Variants in DACH2 observed in about 807,000 individuals in gnomAD.
DACH2 encodes the protein dachshund family transcription factor 2.
A neutral mutation model predicts 35.8 loss-of-function variants in DACH2; 17 were observed. That is an observed-to-expected ratio of 0.48 (90% CI 0.33 to 0.71). The LOEUF is 0.71. Ranked by LOEUF, DACH2 falls within the 30% of genes least tolerant of loss-of-function variation. The probability of loss-of-function intolerance (pLI) is 0.02; values close to 1 mark genes in which losing one functional copy is unlikely to be tolerated. For missense variants in DACH2, 469 were observed against 472.7 expected (o/e 0.99, Z 0.07); for synonymous variants, 195 against 177.3 (o/e 1.10, Z -0.79).
At chrX:86,320,026 G>C (rs1045720501) in intron 1 of DACH2, among the ~76,000 whole-genome samples, 1 of 111,656 alleles carries the variant, frequency 9.0e-6, no homozygotes, top group Non-Finnish European at 1.9e-5. Context: ...ATTTTGAGAG[G>C]TATTAATTCA....
At chrX:86,310,512 G>A (rs750833969) in intron 1 of DACH2, among the ~76,000 whole-genome samples, 7 of 111,635 alleles carry the variant, frequency 6.3e-5, no homozygotes, top group Non-Finnish European at 1.1e-4. Context: ...GACAGCTGCA[G>A]CACAACAGCC....
At chrX:86,300,097 A>G (rs6623641) in intron 1 of DACH2, among the ~76,000 whole-genome samples, 52,705 of 109,718 alleles carry the variant, frequency 0.48, 9,670 homozygotes, top group Non-Finnish European at 0.58. Context: ...GTTGTTAACT[A>G]TAGTCACCCT....
chrX:86,331,000 A>G lies in DACH2; in HGVS notation c.489-45824A>G, dbSNP rs770716560. On this transcript the variant is annotated intron_variant, in intron 1 of 11. Transcript: ENST00000373125. ...TGAAATTTTACTTTAAGAAAACCAC[A>G]GTTTCATTGTTATTTGGGGAAAATG... Among the ~76,000 whole-genome samples, 4 of 111,534 alleles carry G rather than the reference A, an allele frequency of 3.6e-5. No individual in the cohort carries two copies. The Admixed American group carries it at 3.8e-4, about 11-fold the overall frequency.
intron 3 of DACH2, among the ~76,000 whole-genome samples, chrX:86,545,074 C>T (rs2038938963): frequency 8.9e-6 from 1 of 112,146 alleles, no homozygotes; most frequent in African/African-American, 3.2e-5. Flanking sequence ...GGATTACAGG[C>T]ATGAGCCACC....
At chrX:86,190,086 C>G (rs1022774659) in intron 1 of DACH2, among the ~76,000 whole-genome samples, 1 of 109,358 alleles carries the variant, frequency 9.1e-6, no homozygotes, top group African/African-American at 3.3e-5. Flanking sequence ...ATCACTTGAA[C>G]CTGGGAGGTA....
At chrX:86,648,053 C>T (rs1036087285) in intron 3 of DACH2, among the ~76,000 whole-genome samples, 1 of 110,623 alleles carries the variant, frequency 9.0e-6, no homozygotes, top group East Asian at 2.8e-4. Context: ...GCTCAGTTAT[C>T]GGTAAGTGCA....
intron 11 of DACH2, among the ~76,000 whole-genome samples, chrX:86,816,372 A>C (rs1329356473): frequency 8.9e-6 from 1 of 111,904 alleles, no homozygotes; most frequent in African/African-American, 3.2e-5. Context: ...TAGCTGTAAA[A>C]AGAATACACA....
chrX:86,167,171 G>A (rs1309172343), intron 1 of DACH2, among the ~76,000 whole-genome samples: 2 of 111,476 alleles, frequency 1.8e-5, no homozygotes, highest in Non-Finnish European at 3.8e-5. Flanking sequence ...GAATTTATCA[G>A]TGAAGGCTTC....
At chrX:86,529,106 A>G (rs766095103) in intron 3 of DACH2, among the ~76,000 whole-genome samples, 10 of 112,265 alleles carry the variant, frequency 8.9e-5, no homozygotes, top group Non-Finnish European at 1.7e-4. Context: ...GTGCAGTGGC[A>G]TGATCATAGC....
intron 3 of DACH2, among the ~76,000 whole-genome samples, chrX:86,593,187 T>A (rs1353231640): frequency 9.1e-6 from 1 of 110,233 alleles, no homozygotes; most frequent in Non-Finnish European, 1.9e-5. Context: ...TTGAATAGAT[T>A]TTTCTCTATT....
intron 2 of DACH2, among the ~76,000 whole-genome samples, chrX:86,383,190 A>T (rs1478930927): frequency 9.0e-6 from 1 of 110,560 alleles, no homozygotes; most frequent in Admixed American, 9.7e-5. Context: ...TCAAAGATGT[A>T]GGTCAGAACA....
intron 1 of DACH2, among the ~76,000 whole-genome samples, chrX:86,200,131 A>G (rs1245849009): frequency 9.0e-6 from 1 of 110,791 alleles, no homozygotes; most frequent in Non-Finnish European, 1.9e-5. Context: ...AGAGCCCAGA[A>G]TTATGGCTGC....
intron 2 of DACH2, among the ~76,000 whole-genome samples, chrX:86,463,746 G>A (rs1392732413): frequency 9.0e-6 from 1 of 111,284 alleles, no homozygotes; most frequent in Non-Finnish European, 1.9e-5. Context: ...GCAACCTACA[G>A]AATGGGAGAA....
chrX:86,670,755 G>T (rs1438248014), intron 4 of DACH2, among the ~76,000 whole-genome samples: 4 of 111,837 alleles, frequency 3.6e-5, no homozygotes, highest in Non-Finnish European at 7.5e-5. Context: ...CGTTTTAAAG[G>T]TTCCTTTCTT....
At chrX:86,793,805 A>G (rs5923644) in intron 7 of DACH2, among the ~76,000 whole-genome samples, 7,664 of 111,908 alleles carry the variant, frequency 0.068, 273 homozygotes, top group Middle Eastern at 0.12. Context: ...GATACCTTGT[A>G]CAGAAAGAGT....
chrX:86,546,048 TGGCTGAAG>T (rs59708116), intron 3 of DACH2, among the ~76,000 whole-genome samples: 36,952 of 110,542 alleles, frequency 0.33, 7,392 homozygotes, highest in African/African-American at 0.76. Context: ...AATAAAACAT[TGGCTGAAG>T]GGCTGAAGTA....
At chrX:86,237,426 T>G (rs765919765) in intron 1 of DACH2, among the ~76,000 whole-genome samples, 1 of 111,955 alleles carries the variant, frequency 8.9e-6, no homozygotes, top group South Asian at 3.7e-4. Context: ...GCACAGTAGG[T>G]TTTTTTACAC....
chrX:86,827,118 T>C (rs770855288), intron 11 of DACH2, among the ~76,000 whole-genome samples: 2 of 111,734 alleles, frequency 1.8e-5, no homozygotes, highest in Non-Finnish European at 3.8e-5. Context: ...AAATCACAAA[T>C]GCATTTTATT....
At chrX:86,566,549 T>C (rs1159111972) in intron 3 of DACH2, among the ~76,000 whole-genome samples, 1 of 111,588 alleles carries the variant, frequency 9.0e-6, no homozygotes, top group Non-Finnish European at 1.9e-5. Flanking sequence ...TAAAAACTGT[T>C]AGCTATTGTG....
Sources: allele counts gnomAD v4.1 joint callset (sites outside exome capture counted in the v4.1 genomes callset), GRCh38; gene constraint gnomAD v4.1.1; transcripts MANE v1.5; gene names NCBI Gene and HGNC (gene_info 2026-07-23, HGNC 2026-07-21).